The following AKR1A1 variants were observed in gnomAD, a reference collection of about 807,000 sequenced individuals.
AKR1A1 encodes aldo-keto reductase family 1 member A1.
A neutral mutation model predicts 39.2 loss-of-function variants in AKR1A1; 26 were observed. The ratio of observed to expected loss-of-function variants is 0.66; its 90% CI spans 0.49 to 0.92. The LOEUF (loss-of-function observed/expected upper bound fraction) is 0.92, where lower values mean the gene tolerates loss of function less well. AKR1A1 is among the 40% of genes least tolerant of loss of function. The pLI is 0.00. For synonymous variants in AKR1A1, 141 were observed against 155.5 expected (o/e 0.91, Z 0.69); for missense variants, 378 against 406.5 (o/e 0.93, Z 0.60).
chr1:45,555,304 A>G (rs546113161), intron 1 of AKR1A1, among the ~76,000 whole-genome samples: 3 of 152,300 alleles, frequency 2.0e-5, no homozygotes, highest in East Asian at 3.9e-4. Context: ...CCTGACCAAC[A>G]TGGAGAAACC....
chr1:45,559,652 T>A (rs1644252194), intron 1 of AKR1A1, among the ~76,000 whole-genome samples: 1 of 132,490 alleles, frequency 7.5e-6, no homozygotes, highest in East Asian at 2.1e-4. Context: ...TTTTTTTTTT[T>A]TTTTTTTTTG....
intron 4 of AKR1A1, 21 bp downstream of exon 4, chr1:45,567,041 A>G (rs1222396893): frequency 1.2e-6 from 2 of 1,610,572 alleles, no homozygotes; most frequent in South Asian, 1.1e-5. Context: ...CCAGAGCCTC[A>G]TCTGGGGAAT....
At chr1:45,564,212 C>T (rs1644311260) in intron 2 of AKR1A1, among the ~76,000 whole-genome samples, 1 of 152,186 alleles carries the variant, frequency 6.6e-6, no homozygotes, top group Non-Finnish European at 1.5e-5. Context: ...TAGGCAGGCA[C>T]TTCTCACAGC....
chr1:45,566,431 C>A, intron 2 of AKR1A1, 138 bp from the exon 3 acceptor site: 2 of 1,349,036 alleles, frequency 1.5e-6, no homozygotes, highest in Non-Finnish European at 2.0e-6. Flanking sequence ...CCCAGTTCAT[C>A]TTCCATCTTT....
At position 45,567,046 on chromosome 1, in the gene AKR1A1, G is replaced by A. The variant is rs773219072; in HGVS notation, c.356+26G>A. ...GTGAGCCTTGCCAGAGCCTCATCTG[G>A]GGAATCAGGGGGTTGAGCAGGATGG... On this transcript the variant is annotated intron_variant, in intron 4 of 8. Transcript: ENST00000351829. The A allele has an allele frequency of 5.6e-6, 9 of 1,609,586 alleles. No individual in the cohort carries two copies. The South Asian group carries it at 9.9e-5, about 18-fold the overall frequency.
intron 1 of AKR1A1, 34 bp from the exon 2 acceptor site, chr1:45,561,755 C>G: frequency 6.2e-7 from 1 of 1,603,746 alleles, no homozygotes; most frequent in Non-Finnish European, 8.5e-7. Flanking sequence ...ACAGCACTAA[C>G]CCCAACACCA....
intron 5 of AKR1A1, 80 bp from the exon 6 acceptor site, chr1:45,568,405 G>A (rs1557637529): frequency 4.8e-6 from 7 of 1,463,180 alleles, no homozygotes; most frequent in Non-Finnish European, 6.7e-6. Context: ...AATAGGGGGT[G>A]GTCCAGACAT....
intron 6 of AKR1A1, 97 bp from the exon 7 acceptor site, chr1:45,568,830 T>C: frequency 6.5e-7 from 1 of 1,528,752 alleles, no homozygotes; most frequent in Non-Finnish European, 9.1e-7. Context: ...TCAGCAGGGC[T>C]CAGGTGCTCC....
chr1:45,553,208 G>A lies in AKR1A1; in HGVS notation c.-7+2053G>A, dbSNP rs545475526. ...GGAGGCTGAGGCGGGCAGATCACGA[G>A]GTCAAGAGATGGAGACCATCCTGGC... On this transcript the variant is annotated intron_variant, in intron 1 of 8. Transcript: ENST00000351829. 1.8e-3 allele frequency among the ~76,000 whole-genome samples: 273 copies of A among 151,766 alleles called. 2 individuals are homozygous for A. The highest frequency in any genetic ancestry group is 6.0e-3 in the African/African-American group (250 of 41,350).
intron 1 of AKR1A1, among the ~76,000 whole-genome samples, chr1:45,559,986 C>T (rs1213108989): frequency 6.8e-6 from 1 of 147,414 alleles, no homozygotes; most frequent in African/African-American, 2.5e-5. Context: ...GAGCAAATAA[C>T]TTCACTTTTT....
rs761410579 is a variant in AKR1A1, at chr1:45,568,038, C to G, written c.413C>G (p.Thr138Ser). 1 of 1,614,018 alleles carries G rather than the reference C, an allele frequency of 6.2e-7. No homozygotes were observed. The highest frequency in any genetic ancestry group is 1.1e-5 in the South Asian group (1 of 91,078). Residue 138 changes from threonine (T) to serine (S), a missense_variant, in exon 5 of 9, where the codon ACC (threonine) becomes AGC (serine). By Grantham distance (58) the Thr-to-Ser change is moderately conservative (BLOSUM62 1). Coordinates refer to ENST00000351829, the MANE Select transcript of AKR1A1 (RefSeq NM_153326.3). ...NADGTICYDS[T>S]HYKETWKALE... is the part of the protein sequence containing the mutation. ...GATGGGACTATATGCTACGACTCCA[C>G]CCACTACAAGGAGACTTGGAAGGCT...
chr1:45,570,012 A>G lies in AKR1A1; in HGVS notation c.*56A>G. ...CTGCAGCTAATGAGGTCCTGCCACA[A>G]CGGAAAGAGGGAGTTAATAAAGCCA... On this transcript the variant is annotated 3_prime_UTR_variant, in exon 9 of 9. Transcript: ENST00000351829. The G allele has an allele frequency of 6.6e-7, 1 of 1,520,028 alleles. No individual in the cohort carries two copies. The highest frequency in any genetic ancestry group is 2.3e-5 in the East Asian group (1 of 44,400). The allele number at this position is 1,520,028 out of a possible 1,614,324, so 94.2% of individuals were successfully genotyped here. A position where few individuals can be genotyped will look rare whatever the true frequency, so the allele number is the denominator to read the frequency against.
In AKR1A1 at chr1:45,566,577, A is replaced by T. The variant is rs1644346393; in HGVS notation, c.93A>T (p.Ala31=). Residue 31 remains alanine (A), a synonymous_variant, in exon 3 of 9, where the codon GCA becomes GCT. Transcript: ENST00000351829. Reference sequence around the variant, plus strand: ...CTTCTCTCACCTGGCAGGTAAAAGCAGCTGTTAAGTATGCCCTTAGCGTAG... The same window carrying T: ...CTTCTCTCACCTGGCAGGTAAAAGCTGCTGTTAAGTATGCCCTTAGCGTAG... ...TWKSEPGQVK[A]AVKYALSVGY... 1 of 1,614,086 alleles carries T rather than the reference A, an allele frequency of 6.2e-7. No homozygotes were observed. Among genetic ancestry groups the T allele is most frequent in the Non-Finnish European group, 8.5e-7 (1 of 1,180,024 alleles).
intron 2 of AKR1A1, among the ~76,000 whole-genome samples, chr1:45,565,551 G>A (rs1414877446): frequency 6.6e-6 from 1 of 151,980 alleles, no homozygotes; most frequent in Non-Finnish European, 1.5e-5. Flanking sequence ...TCAGCTCACT[G>A]CAGCCTCCCC....
Position 45,563,483 on chromosome 1 carries a change from T to C in AKR1A1, c.84+1605T>C, listed in dbSNP as rs183419951. On this transcript the variant is annotated intron_variant, in intron 2 of 8. Transcript: ENST00000351829. ...AGATGGAGGTGATTATACACTCATG[T>C]GACCTTTTAATATGTAACCACTTAA... Among the ~76,000 whole-genome samples the C allele has an allele frequency of 2.2e-3, 333 of 152,144 alleles. 1 individual carries two copies. The highest frequency in any genetic ancestry group is 7.6e-3 in the African/African-American group (316 of 41,528).
chr1:45,565,802 T>TG (rs1301803996), intron 2 of AKR1A1, among the ~76,000 whole-genome samples: 7 of 143,730 alleles, frequency 4.9e-5, no homozygotes, highest in African/African-American at 7.7e-5. Flanking sequence ...TTTAAAGAGG[T>TG]GGGGGTCTCA....
At chr1:45,557,860 C>T (rs890582040) in intron 1 of AKR1A1, among the ~76,000 whole-genome samples, 2 of 150,388 alleles carry the variant, frequency 1.3e-5, no homozygotes, top group African/African-American at 4.9e-5. Flanking sequence ...CTTCCTGGGT[C>T]AGAAGTATTA....
At chr1:45,563,626 C>A (rs1046502770) in intron 2 of AKR1A1, among the ~76,000 whole-genome samples, 1 of 151,496 alleles carries the variant, frequency 6.6e-6, no homozygotes, top group Admixed American at 6.6e-5. Flanking sequence ...CTCATCTCTA[C>A]TAAAAATGCA....
chr1:45,553,450 TG>T (rs531459876), intron 1 of AKR1A1, among the ~76,000 whole-genome samples: 6 of 151,094 alleles, frequency 4.0e-5, no homozygotes, highest in Non-Finnish European at 8.8e-5. Flanking sequence ...TGGTCAGAGA[TG>T]GGGCAGTGGC....
Sources: allele counts gnomAD v4.1 joint callset (sites outside exome capture counted in the v4.1 genomes callset), GRCh38; gene constraint gnomAD v4.1.1; transcripts MANE v1.5; gene names NCBI Gene and HGNC (gene_info 2026-07-23, HGNC 2026-07-21).